SBF2: variants seen among roughly 807,000 people sequenced by gnomAD.
SBF2 encodes the protein SET binding factor 2.
In SBF2, 112 loss-of-function variants were observed where a neutral mutation model predicts 225.2. The ratio of observed to expected loss-of-function variants is 0.50; its 90% CI spans 0.43 to 0.58. SBF2 has a LOEUF of 0.58. Among genes scored for constraint, SBF2 ranks in the 20% least tolerant of loss-of-function variants. SBF2 has a pLI of 0.00. For synonymous variants in SBF2, 763 were observed against 773.3 expected (o/e 0.99, Z 0.22); for missense variants, 1,996 against 2,206.2 (o/e 0.90, Z 1.91).
chr11:9,868,640 G>A lies in SBF2; in HGVS notation c.1930-10244C>T, dbSNP rs563127193. On this transcript the variant is annotated intron_variant, in intron 17 of 39. Transcript: ENST00000256190. ...AAATAAGGTCTACATATTACCATTAGTTTGTATATTGCTAGCATCAATTTT... is the reference window on the plus strand; with the variant it reads ...AAATAAGGTCTACATATTACCATTAATTTGTATATTGCTAGCATCAATTTT... Among the ~76,000 whole-genome samples, 4 of 152,304 alleles carry A rather than the reference G, an allele frequency of 2.6e-5. No homozygotes were observed. In the South Asian group the frequency reaches 8.3e-4, roughly 32 times the overall value.
Position 9,832,235 on chromosome 11 carries a change from G to A in SBF2, c.3641C>T (p.Ser1214Phe), listed in dbSNP as rs931271200. ...GVVGLFKSQN[S>F]PQAAPTSSLE... ...AGAGAGATGCTTACCGGCCTGAGGG[G>A]AGTTCTGAGATTTGAAAAGACCAAC... The change falls in exon 27 of 40, where the codon TCC (serine) becomes TTC (phenylalanine). Residue 1214 changes from serine (S) to phenylalanine (F), a missense_variant. By Grantham distance (155) the Ser-to-Phe change is radical (BLOSUM62 -2). Coordinates refer to ENST00000256190, the MANE Select transcript of SBF2 (RefSeq NM_030962.4). 1 of 1,611,792 alleles carries A rather than the reference G, an allele frequency of 6.2e-7. No homozygotes were observed. Among genetic ancestry groups the A allele is most frequent in the East Asian group, 2.2e-5 (1 of 44,746 alleles).
At chr11:10,125,785 T>C (rs577320664) in intron 2 of SBF2, among the ~76,000 whole-genome samples, 1 of 152,362 alleles carries the variant, frequency 6.6e-6, no homozygotes, top group Admixed American at 6.5e-5. Flanking sequence ...CATGACTCTT[T>C]AATTGTCCTC....
At chr11:10,198,196 T>C (rs1237079571) in intron 1 of SBF2, among the ~76,000 whole-genome samples, 2 of 152,232 alleles carry the variant, frequency 1.3e-5, no homozygotes, top group Non-Finnish European at 2.9e-5. Context: ...TACAGGCTTA[T>C]GGAATGTATT....
intron 16 of SBF2, among the ~76,000 whole-genome samples, chr11:9,936,193 T>C (rs1424372783): frequency 6.6e-6 from 1 of 152,128 alleles, no homozygotes; most frequent in East Asian, 1.9e-4. Flanking sequence ...CCAACAGACT[T>C]ATGAAAGAAT....
chr11:10,130,629 CAATA>C lies in SBF2; in HGVS notation c.141+63269_141+63272del, dbSNP rs1239841171. Among the ~76,000 whole-genome samples the C allele has an allele frequency of 7.9e-5, 12 of 152,214 alleles. No homozygotes were observed. The South Asian group carries it at 8.3e-4, about 11-fold the overall frequency. On this transcript the variant is annotated intron_variant, in intron 2 of 39. Transcript: ENST00000256190. Reference sequence around the variant, plus strand: ...AGATCTGTGTAATCACCATCACAATCAATAAATAAAACTATTCTCACTATAAAGA... The same window carrying C: ...AGATCTGTGTAATCACCATCACAATCAATAAAACTATTCTCACTATAAAGA...
At chr11:9,889,432 G>A (rs1860613936) in intron 17 of SBF2, among the ~76,000 whole-genome samples, 1 of 152,126 alleles carries the variant, frequency 6.6e-6, no homozygotes, top group Admixed American at 6.5e-5. Context: ...TACGTAGAAT[G>A]TATAAGCCAA....
intron 32 of SBF2, among the ~76,000 whole-genome samples, chr11:9,797,830 A>G (rs919443334): frequency 6.6e-6 from 1 of 152,126 alleles, no homozygotes; most frequent in African/African-American, 2.4e-5. Flanking sequence ...ACAATTAGCC[A>G]GGTGTGGTGG....
At chr11:9,949,261 AGTTT>A (rs1404133341) in intron 16 of SBF2, among the ~76,000 whole-genome samples, 1 of 152,190 alleles carries the variant, frequency 6.6e-6, no homozygotes, top group Non-Finnish European at 1.5e-5. Context: ...TAGTAAAAAT[AGTTT>A]GTTCTCATAC....
At chr11:9,870,625 G>T (rs1484984344) in intron 17 of SBF2, among the ~76,000 whole-genome samples, 1 of 152,096 alleles carries the variant, frequency 6.6e-6, no homozygotes, top group African/African-American at 2.4e-5. Flanking sequence ...ATTAATAAAT[G>T]GTGCTTATAG....
intron 1 of SBF2, among the ~76,000 whole-genome samples, chr11:10,264,627 C>G (rs1961772944): frequency 6.6e-6 from 1 of 151,960 alleles, no homozygotes; most frequent in South Asian, 2.1e-4. Flanking sequence ...GGTACATGTG[C>G]AGAACGTGCA....
chr11:10,226,540 T>G (rs1299562188), intron 1 of SBF2, among the ~76,000 whole-genome samples: 3 of 150,184 alleles, frequency 2.0e-5, no homozygotes, highest in Non-Finnish European at 3.0e-5. Flanking sequence ...CCATGTGTTC[T>G]CATTGTTCAA....
chr11:10,250,975 A>G (rs1305223899), intron 1 of SBF2, among the ~76,000 whole-genome samples: 1 of 152,248 alleles, frequency 6.6e-6, no homozygotes, highest in Non-Finnish European at 1.5e-5. Context: ...TCATGGATCA[A>G]GACTTCTACT....
intron 2 of SBF2, among the ~76,000 whole-genome samples, chr11:10,076,950 C>G (rs949906768): frequency 6.6e-6 from 1 of 152,142 alleles, no homozygotes; most frequent in Non-Finnish European, 1.5e-5. Context: ...GGGAACAGGG[C>G]CCCTGGGAGT....
At chr11:9,895,278 C>A (rs1445215777) in intron 17 of SBF2, among the ~76,000 whole-genome samples, 1 of 152,182 alleles carries the variant, frequency 6.6e-6, no homozygotes, top group Non-Finnish European at 1.5e-5. Context: ...GCTGCTACCA[C>A]AGATTTACTG....
chr11:9,792,941 T>G (rs367265), intron 33 of SBF2, among the ~76,000 whole-genome samples: 7,161 of 57,254 alleles, frequency 0.13, 373 homozygotes, highest in African/African-American at 0.28. Context: ...GTGTGTGTGT[T>G]TTTTTTTTTT....
intron 1 of SBF2, among the ~76,000 whole-genome samples, chr11:10,206,594 A>T (rs1052374905): frequency 4.3e-4 from 66 of 152,142 alleles, no homozygotes; most frequent in Non-Finnish European, 1.2e-4. Flanking sequence ...AAAATACATC[A>T]AATCATAAAC....
In SBF2 at chr11:9,998,354, T is replaced by A; in HGVS notation, c.887A>T (p.Asp296Val). Residue 296 changes from aspartate (D) to valine (V), a missense_variant, in exon 9 of 40, where the codon GAT becomes GTT. Coordinates refer to ENST00000256190, the MANE Select transcript of SBF2 (RefSeq NM_030962.4). The part of the protein sequence containing the change: ...ELLDVIIADL[D>V]GGTIKIPECI... ...TTCGGGAATTTTAATAGTGCCTCCA[T>A]CCAAATCTGCTATGATTACATCTAA... 1 of 1,600,942 alleles carries A rather than the reference T, an allele frequency of 6.2e-7. No individual in the cohort carries two copies. The highest frequency in any genetic ancestry group is 8.6e-7 in the Non-Finnish European group (1 of 1,168,642).
chr11:9,873,921 C>T (rs890453052), intron 17 of SBF2, among the ~76,000 whole-genome samples: 6 of 131,834 alleles, frequency 4.6e-5, no homozygotes, highest in Non-Finnish European at 9.5e-5. Context: ...TGGTGGCAGG[C>T]GCATGTAATC....
intron 16 of SBF2, among the ~76,000 whole-genome samples, chr11:9,943,836 G>A (rs1865419586): frequency 6.6e-6 from 1 of 152,134 alleles, no homozygotes; most frequent in South Asian, 2.1e-4. Context: ...ATCTAACACA[G>A]CTGAAGTTGC....
Sources: gnomAD v4.1 joint callset for allele counts (sites outside exome capture counted in the v4.1 genomes callset) on GRCh38, gnomAD v4.1.1 for gene constraint, MANE v1.5 for transcripts, NCBI Gene and HGNC (gene_info 2026-07-23, HGNC 2026-07-21) for gene names.